The following LUZP2 variants were observed in gnomAD, a reference collection of about 807,000 sequenced individuals.
LUZP2 encodes the protein leucine zipper protein 2.
A neutral mutation model predicts 51.6 loss-of-function variants in LUZP2; 52 were observed. The ratio of observed to expected loss-of-function variants is 1.01; its 90% CI spans 0.81 to 1.27. LUZP2 has a LOEUF of 1.27. Ranked by LOEUF, LUZP2 falls within the 50% of genes most tolerant of loss-of-function variation. The pLI is 0.00. For synonymous variants in LUZP2, 154 were observed against 137.3 expected (o/e 1.12, Z -0.85); for missense variants, 436 against 395.4 (o/e 1.10, Z -0.87).
At chr11:24,788,345 A>G (rs1849307598) in intron 5 of LUZP2, among the ~76,000 whole-genome samples, 1 of 151,898 alleles carries the variant, frequency 6.6e-6, no homozygotes, top group Non-Finnish European at 1.5e-5. Context: ...GTGCACCACC[A>G]TACCCAGCTA....
chr11:25,074,965 T>C (rs1175144609), intron 10 of LUZP2, among the ~76,000 whole-genome samples: 2 of 152,196 alleles, frequency 1.3e-5, no homozygotes, highest in Non-Finnish European at 2.9e-5. Context: ...ACCAAGTGCA[T>C]TTTGGGAAAT....
chr11:24,898,807 G>T (rs1370145205), intron 5 of LUZP2, among the ~76,000 whole-genome samples: 1 of 152,072 alleles, frequency 6.6e-6, no homozygotes, highest in Non-Finnish European at 1.5e-5. Context: ...AAACCCTTGT[G>T]AGGTACCTGG....
chr11:24,858,354 T>C (rs1415877825), intron 5 of LUZP2, among the ~76,000 whole-genome samples: 1 of 152,170 alleles, frequency 6.6e-6, no homozygotes, highest in Non-Finnish European at 1.5e-5. Flanking sequence ...TATTGAGAGA[T>C]GCTATTTATC....
At chr11:24,682,918 CACTTGA>C (rs1856793031) in intron 1 of LUZP2, among the ~76,000 whole-genome samples, 1 of 151,794 alleles carries the variant, frequency 6.6e-6, no homozygotes. Context: ...GCAGGAGAAT[CACTTGA>C]ACTCAGGAGG....
chr11:24,533,920 C>T (rs949018758), intron 1 of LUZP2, among the ~76,000 whole-genome samples: 1 of 151,240 alleles, frequency 6.6e-6, no homozygotes, highest in Admixed American at 6.6e-5. Context: ...AACATGACCC[C>T]CGTATCTTTC....
chr11:24,894,659 G>A (rs1238532778), intron 5 of LUZP2, among the ~76,000 whole-genome samples: 1 of 144,040 alleles, frequency 6.9e-6, no homozygotes, highest in African/African-American at 2.6e-5. Context: ...TTATGTCTAT[G>A]AGTATTCAAT....
At chr11:24,873,178 CAAG>C (rs990940651) in intron 5 of LUZP2, among the ~76,000 whole-genome samples, 1 of 152,074 alleles carries the variant, frequency 6.6e-6, no homozygotes, top group African/African-American at 2.4e-5. Flanking sequence ...GCAGGCAACA[CAAG>C]AAGAATAAAA....
At chr11:24,837,447 A>G (rs534133088) in intron 5 of LUZP2, among the ~76,000 whole-genome samples, 2 of 151,830 alleles carry the variant, frequency 1.3e-5, no homozygotes, top group East Asian at 3.9e-4. Flanking sequence ...ATCTTTAACT[A>G]AAAAGATTCA....
Position 24,914,487 on chromosome 11 carries a change from C to T in LUZP2, c.471C>T (p.Ile157=). The change falls in exon 7 of 12, where the codon ATC becomes ATT. Residue 157 remains isoleucine (I), a synonymous_variant. Coordinates refer to ENST00000336930, the MANE Select transcript of LUZP2 (RefSeq NM_001009909.4). Reference sequence around the variant, plus strand: ...TTTTTGCCTTACAGTCAAAAAAAATCCAAGCCCAGCTGAAGGAGCTTCGTT... The same window carrying T: ...TTTTTGCCTTACAGTCAAAAAAAATTCAAGCCCAGCTGAAGGAGCTTCGTT... ...CGIHAEESKK[I]QAQLKELRYG... The T allele has an allele frequency of 6.2e-7, 1 of 1,608,202 alleles. No homozygotes were observed. The highest frequency in any genetic ancestry group is 8.5e-7 in the Non-Finnish European group (1 of 1,177,984).
intron 9 of LUZP2, among the ~76,000 whole-genome samples, chr11:24,999,706 T>A (rs542019124): frequency 6.6e-6 from 1 of 152,236 alleles, no homozygotes; most frequent in East Asian, 1.9e-4. Context: ...GTTATATATA[T>A]TTCTAAGCAC....
Position 25,005,781 on chromosome 11 carries a change from G to A in LUZP2, c.765+22488G>A, listed in dbSNP as rs114280098. On this transcript the variant is annotated intron_variant, in intron 9 of 11. Coordinates refer to ENST00000336930, the MANE Select transcript of LUZP2 (RefSeq NM_001009909.4). ...TAGTGGCCCTTACCAACGCATTCTC[G>A]AAAACCTGTACCCTGTCCTCTTAGA... Among the ~76,000 whole-genome samples the A allele has an allele frequency of 6.8e-3, 1,038 of 152,230 alleles. 11 individuals carry two copies. The highest frequency in any genetic ancestry group is 0.024 in the African/African-American group (991 of 41,558).
At chr11:24,924,180 T>G (rs1590736749) in intron 7 of LUZP2, among the ~76,000 whole-genome samples, 1 of 151,728 alleles carries the variant, frequency 6.6e-6, no homozygotes, top group African/African-American at 2.4e-5. Context: ...CGCGTTCAAG[T>G]GACTCTCCTG....
At chr11:24,917,171 G>C (rs1853815270) in intron 7 of LUZP2, among the ~76,000 whole-genome samples, 1 of 152,050 alleles carries the variant, frequency 6.6e-6, no homozygotes, top group Non-Finnish European at 1.5e-5. Context: ...GCCCAATTTT[G>C]ATGGGGTTGT....
intron 7 of LUZP2, among the ~76,000 whole-genome samples, chr11:24,959,694 C>A (rs7128855): frequency 0.99 from 151,188 of 152,236 alleles, 75,091 homozygotes; most frequent in Middle Eastern, 1. Flanking sequence ...ATGTTGACTG[C>A]AAACAGGGAC....
At chr11:24,946,128 G>A (rs1854892809) in intron 7 of LUZP2, among the ~76,000 whole-genome samples, 1 of 151,998 alleles carries the variant, frequency 6.6e-6, no homozygotes, top group Non-Finnish European at 1.5e-5. Context: ...GTTCATTCAT[G>A]TTATATATTC....
chr11:24,798,549 G>A (rs556410174), intron 5 of LUZP2, among the ~76,000 whole-genome samples: 92 of 152,132 alleles, frequency 6.0e-4, no homozygotes, highest in Non-Finnish European at 1.2e-3. Flanking sequence ...CAAGGGGAAG[G>A]AGTCCCCTAA....
At chr11:24,884,547 C>G (rs766897634) in intron 5 of LUZP2, among the ~76,000 whole-genome samples, 28 of 151,990 alleles carry the variant, frequency 1.8e-4, no homozygotes, top group Non-Finnish European at 3.4e-4. Context: ...ATGTGAATTA[C>G]ATAACACATC....
At chr11:24,777,745 TG>T (rs1241419256) in intron 5 of LUZP2, among the ~76,000 whole-genome samples, 4 of 152,112 alleles carry the variant, frequency 2.6e-5, no homozygotes. Context: ...TACTAGTCTT[TG>T]ATATTATAGT....
chr11:24,661,111 G>T (rs1287601960), intron 1 of LUZP2, among the ~76,000 whole-genome samples: 2 of 152,044 alleles, frequency 1.3e-5, no homozygotes, highest in African/African-American at 4.8e-5. Context: ...ATTCATATAT[G>T]TAGGTGGGTT....
Sources: allele counts gnomAD v4.1 joint callset (sites outside exome capture counted in the v4.1 genomes callset), GRCh38; gene constraint gnomAD v4.1.1; transcripts MANE v1.5; gene names NCBI Gene and HGNC (gene_info 2026-07-23, HGNC 2026-07-21).